Variants in CACNB4 observed in about 807,000 individuals in gnomAD.
The protein encoded by CACNB4 is voltage-dependent L-type calcium channel subunit beta-4.
A neutral mutation model predicts 71.2 loss-of-function variants in CACNB4; 32 were observed. The ratio of observed to expected loss-of-function variants is 0.45; its 90% CI spans 0.34 to 0.60. The LOEUF (loss-of-function observed/expected upper bound fraction) is 0.60. CACNB4 is among the 20% of genes least tolerant of loss of function. The probability of loss-of-function intolerance (pLI) is 0.01; values close to 1 mark genes in which losing one functional copy is unlikely to be tolerated. For missense variants in CACNB4, 464 were observed against 647.9 expected (o/e 0.72, Z 3.08); for synonymous variants, 231 against 236.9 (o/e 0.97, Z 0.23).
chr2:151,840,432 A>G (rs943670051), intron 13 of CACNB4, among the ~76,000 whole-genome samples: 3 of 152,242 alleles, frequency 2.0e-5, no homozygotes, highest in Admixed American at 2.0e-4. Context: ...TATTCAATAT[A>G]AAAGTGCAAC....
intron 10 of CACNB4, among the ~76,000 whole-genome samples, chr2:151,855,797 C>T (rs1362949902): frequency 1.3e-5 from 2 of 152,040 alleles, no homozygotes; most frequent in Admixed American, 6.5e-5. Flanking sequence ...TTTCTATCAA[C>T]GAAGTATAAA....
At chr2:152,080,103 A>C (rs1687273057) in intron 2 of CACNB4, among the ~76,000 whole-genome samples, 1 of 152,038 alleles carries the variant, frequency 6.6e-6, no homozygotes, top group African/African-American at 2.4e-5. Flanking sequence ...ATAAGGTTTA[A>C]TTATTCAGGG....
chr2:152,018,830 C>CACACACAT (rs1683494674), intron 2 of CACNB4, among the ~76,000 whole-genome samples: 1 of 151,888 alleles, frequency 6.6e-6, no homozygotes, highest in South Asian at 2.1e-4. Flanking sequence ...CACACACACA[C>CACACACAT]ACACACACAG....
intron 8 of CACNB4, 132 bp downstream of exon 8, chr2:151,870,399 C>A: frequency 1.3e-6 from 1 of 750,776 alleles, no homozygotes; most frequent in Non-Finnish European, 2.4e-6. Context: ...CACGGTACCC[C>A]CTGCCTTCCC....
At chr2:151,880,041 T>C (rs973755054) in intron 4 of CACNB4, 3 of 152,190 alleles carry the variant, frequency 2.0e-5, no homozygotes, top group Non-Finnish European at 4.4e-5. Context: ...ATGTTTCAGG[T>C]CAAGAGTTCT....
chr2:151,847,350 C>A (rs898804332), intron 12 of CACNB4, among the ~76,000 whole-genome samples: 3 of 151,924 alleles, frequency 2.0e-5, no homozygotes, highest in African/African-American at 4.8e-5. Flanking sequence ...AACAACAGAG[C>A]AAGACCCTGT....
chr2:151,900,301 A>C (rs2099853052), intron 2 of CACNB4, among the ~76,000 whole-genome samples: 1 of 152,156 alleles, frequency 6.6e-6, no homozygotes, highest in African/African-American at 2.4e-5. Flanking sequence ...AAAAGAAACG[A>C]AGGTTACTGA....
rs2099834779 is a variant in CACNB4 at position 151,835,857 on chromosome 2, CAAAT to C, written c.*3258_*3261del. The C allele has an allele frequency of 6.6e-6, 1 of 151,672 alleles. No individual in the cohort carries two copies. Among genetic ancestry groups the C allele is most frequent in the Admixed American group, 6.6e-5 (1 of 15,238 alleles). The allele number at this position is 151,672 out of a possible 1,614,324, so 9.4% of individuals were successfully genotyped here. On this transcript the variant is annotated 3_prime_UTR_variant, in exon 14 of 14. Coordinates refer to ENST00000539935, the MANE Select transcript of CACNB4 (RefSeq NM_000726.5). The stretch of plus-strand genomic sequence containing the variant: ...TAAATAGCAGATTATTTAAAGGAAA[CAAAT>C]AATTGTCTCAGAATTTGTTTTACAT...
intron 12 of CACNB4, among the ~76,000 whole-genome samples, chr2:151,846,541 G>C (rs1460907578): frequency 6.6e-6 from 1 of 151,852 alleles, no homozygotes; most frequent in Non-Finnish European, 1.5e-5. Context: ...TTGTTTGTTT[G>C]TTTTTTGTTT....
chr2:151,860,928 C>A, intron 9 of CACNB4, 108 bp from the exon 10 acceptor site: 1 of 714,648 alleles, frequency 1.4e-6, no homozygotes, highest in Non-Finnish European at 2.5e-6. Flanking sequence ...TACAGGGGAA[C>A]CACAGTATAA....
rs568594677 is a variant in CACNB4, at chr2:151,915,689, C to CA, written c.148-32320dup. Among the ~76,000 whole-genome samples, 58 of 151,682 alleles carry CA rather than the reference C, an allele frequency of 3.8e-4. 1 individual carries two copies. The South Asian group carries it at 5.4e-3, about 14-fold the overall frequency. Reference sequence around the variant, plus strand: ...GAAACCACATCTCTACTAAAAAATACAAAAAAAATCAGCTGGGCATGGTGG... The same window carrying CA: ...GAAACCACATCTCTACTAAAAAATACAAAAAAAAATCAGCTGGGCATGGTGG... On this transcript the variant is annotated intron_variant, in intron 2 of 13. Coordinates refer to ENST00000539935, the MANE Select transcript of CACNB4 (RefSeq NM_000726.5).
chr2:152,000,969 A>C (rs970143254), intron 2 of CACNB4, among the ~76,000 whole-genome samples: 1 of 152,198 alleles, frequency 6.6e-6, no homozygotes, highest in Admixed American at 6.5e-5. Flanking sequence ...TTCTTCCTGA[A>C]GCATAACAAT....
rs766238244 is a variant in CACNB4, at chr2:152,098,964, G to A, written c.48C>T (p.His16=). 76 of 1,527,120 alleles carry A rather than the reference G, an allele frequency of 5.0e-5. No individual in the cohort carries two copies. Among genetic ancestry groups the A allele is most frequent in the Non-Finnish European group, 6.4e-5 (73 of 1,139,154 alleles). 94.6% of individuals were successfully genotyped at this position (1,527,120 alleles called of 1,614,324 possible). A position where few individuals can be genotyped will look rare whatever the true frequency, so the allele number is the denominator to read the frequency against. The change falls in exon 1 of 14, where the codon CAC becomes CAT. Residue 16 remains histidine (H), a synonymous_variant. Transcript: ENST00000539935. This position sits in a 1 kb window ranked among gnomAD's most constrained non-coding sequence, Gnocchi z 5.3. ...GGGGCGGTACCTGCGAGGTGGGGGA[G>A]TGCGGCCCGTCCGCGGTCCCGTTCT... ...YAKNGTADGP[H]SPTSQVARGT...
intron 2 of CACNB4, among the ~76,000 whole-genome samples, chr2:152,076,000 T>C (rs1686986980): frequency 1.3e-5 from 2 of 152,228 alleles, no homozygotes; most frequent in Non-Finnish European, 2.9e-5. Flanking sequence ...CCTGAAATCC[T>C]GTCACCTAAT....
intron 9 of CACNB4, among the ~76,000 whole-genome samples, chr2:151,865,432 C>T (rs749918799): frequency 1.3e-5 from 2 of 152,160 alleles, no homozygotes; most frequent in African/African-American, 2.4e-5. Context: ...TTATCAGTTA[C>T]AAATTGTCCA....
At chr2:151,909,387 G>A (rs187878362) in intron 2 of CACNB4, among the ~76,000 whole-genome samples, 116 of 148,586 alleles carry the variant, frequency 7.8e-4, no homozygotes, top group African/African-American at 2.7e-3. Flanking sequence ...AGTGAGCCGA[G>A]ATCATGCCAC....
intron 2 of CACNB4, among the ~76,000 whole-genome samples, chr2:151,941,846 G>A (rs766849825): frequency 1.1e-4 from 17 of 152,134 alleles, no homozygotes; most frequent in Admixed American, 5.9e-4. Context: ...AGTGAGTGCT[G>A]GCTTCTTGAA....
chr2:151,903,462 T>G (rs534538143), intron 2 of CACNB4, among the ~76,000 whole-genome samples: 1 of 152,092 alleles, frequency 6.6e-6, no homozygotes, highest in Non-Finnish European at 1.5e-5. Flanking sequence ...GAGGCTGCAG[T>G]GAGCCAAGAC....
At chr2:152,074,300 CGCTTT>C in intron 2 of CACNB4, among the ~76,000 whole-genome samples, 1 of 151,932 alleles carries the variant, frequency 6.6e-6, no homozygotes, top group East Asian at 1.9e-4. Context: ...CCACCATCAC[CGCTTT>C]ACCACCATCG....
Sources: allele counts gnomAD v4.1 joint callset (sites outside exome capture counted in the v4.1 genomes callset), GRCh38; gene constraint gnomAD v4.1.1; non-coding constraint Gnocchi (gnomAD v3.1); transcripts MANE v1.5; gene names NCBI Gene and HGNC (gene_info 2026-07-23, HGNC 2026-07-21).